Variants in MPRIP observed in about 807,000 individuals in gnomAD.
The protein encoded by MPRIP is myosin phosphatase Rho-interacting protein.
MPRIP carries 59 observed loss-of-function variants against 234.9 expected under a neutral mutation model. The ratio of observed to expected loss-of-function variants is 0.25; its 90% CI spans 0.20 to 0.31. The LOEUF is 0.31. Among genes scored for constraint, MPRIP ranks in the 10% least tolerant of loss-of-function variants. The pLI is 1.00. For synonymous variants in MPRIP, 1,144 were observed against 1,263.9 expected, an observed-to-expected ratio of 0.91 and a Z score of 2.01; for missense variants, 2,436 against 3,071.0, an observed-to-expected ratio of 0.79 and a Z score of 4.89.
chr17:17,146,028 T>C lies in MPRIP; in HGVS notation c.1504-8T>C. On this transcript the variant is annotated splice_region_variant and splice_polypyrimidine_tract_variant and intron_variant, in intron 9 of 23. Transcript: ENST00000651222. ...CCTCTGAGCTGTTCTTTTTTCTCCC[T>C]TTCTCAGCCCGACCTGCTGAATTTC... 2 of 1,613,780 alleles carry C rather than the reference T, an allele frequency of 1.2e-6. No individual in the cohort carries two copies.
chr17:17,070,807 AT>A (rs2089174766), intron 1 of MPRIP, among the ~76,000 whole-genome samples: 1 of 152,264 alleles, frequency 6.6e-6, no homozygotes, highest in African/African-American at 2.4e-5. Context: ...TATGATGATG[AT>A]TTTTGGTGGA....
intron 15 of MPRIP, among the ~76,000 whole-genome samples, chr17:17,163,268 G>A (rs2045910819): frequency 2.6e-5 from 4 of 152,294 alleles, no homozygotes; most frequent in South Asian, 2.1e-4. Context: ...CCAGCAGACC[G>A]AGAGGGAGCC....
intron 12 of MPRIP, 137 bp from the exon 13 acceptor site, chr17:17,154,169 G>A (rs1352105419): frequency 4.5e-6 from 3 of 674,110 alleles, no homozygotes; most frequent in African/African-American, 3.6e-5. Context: ...GGCACATGTG[G>A]CACTCCTAGA....
At chr17:17,112,037 A>T (rs1293141255) in intron 3 of MPRIP, among the ~76,000 whole-genome samples, 3 of 152,050 alleles carry the variant, frequency 2.0e-5, no homozygotes, top group South Asian at 2.1e-4. Flanking sequence ...GGTAAATATT[A>T]ATATTTACGA....
intron 3 of MPRIP, among the ~76,000 whole-genome samples, chr17:17,105,743 G>A (rs2090051094): frequency 2.0e-5 from 3 of 152,252 alleles, no homozygotes; most frequent in Admixed American, 2.0e-4. Flanking sequence ...AAGGGGGTCT[G>A]ATTTGGGCCC....
intron 1 of MPRIP, among the ~76,000 whole-genome samples, chr17:17,058,473 G>C (rs577848716): frequency 1.3e-5 from 2 of 149,238 alleles, no homozygotes; most frequent in Admixed American, 1.3e-4. Flanking sequence ...TGGAGCTCCA[G>C]GGCCGTGGGG....
chr17:17,149,269 G>GATCACCTGAGGTCAGGAGT (rs1265052540), intron 11 of MPRIP, among the ~76,000 whole-genome samples: 3 of 152,190 alleles, frequency 2.0e-5, no homozygotes, highest in Non-Finnish European at 4.4e-5. Context: ...AAGGCAGGCG[G>GATCACCTGAGGTCAGGAGT]ATCACCTGAG....
chr17:17,141,447 AAG>A (rs2144499922), intron 7 of MPRIP: 1 of 152,282 alleles, frequency 6.6e-6, no homozygotes, highest in East Asian at 1.9e-4. Flanking sequence ...TTTCCTGAGG[AAG>A]ACACTTTGTG....
At position 17,166,642 on chromosome 17, in the gene MPRIP, A is replaced by C. The variant is rs2046003759; in HGVS notation, c.5051A>C (p.His1684Pro). The C allele has an allele frequency of 3.5e-5, 45 of 1,304,092 alleles. No individual in the cohort carries two copies. The highest frequency in any genetic ancestry group is 4.3e-5 in the Non-Finnish European group (43 of 988,932). 80.8% of individuals were successfully genotyped at this position (1,304,092 alleles called of 1,614,324 possible). Reference protein sequence around the residue: ...FATQSVRESFHRRLQSIQETL... With the variant: ...FATQSVRESFPRRLQSIQETL... ...ACACAGTCAGTGAGGGAGTCGTTCC[A>C]CCGCAGGCTACAGAGCATCCAGGAG... The change falls in exon 16 of 24, where the codon CAC becomes CCC. Residue 1684 changes from histidine (H) to proline (P), a missense_variant. By Grantham distance (77) the His-to-Pro change is moderately conservative (BLOSUM62 -2). Around this residue, in one of 4 missense-constraint regions of MPRIP, gnomAD observed 1,998 missense variants for 2,520.3 expected, o/e 0.79. Transcript: ENST00000651222. The surrounding 1 kb of genome is among the most constrained non-coding windows in gnomAD (Gnocchi z 4.4).
intron 1 of MPRIP, among the ~76,000 whole-genome samples, chr17:17,048,952 C>T (rs939783521): frequency 1.3e-5 from 2 of 152,186 alleles, no homozygotes; most frequent in African/African-American, 4.8e-5. Flanking sequence ...TCCACTAATG[C>T]GTAGATAAGC....
chr17:17,057,070 G>C (rs1597724732), intron 1 of MPRIP, among the ~76,000 whole-genome samples: 3 of 152,240 alleles, frequency 2.0e-5, no homozygotes. Context: ...CCTTTCAGCG[G>C]ACCCCAGGAG....
chr17:17,136,453 G>A lies in MPRIP; in HGVS notation c.736+3G>A, dbSNP rs768860853. 3 of 1,607,224 alleles carry A rather than the reference G, an allele frequency of 1.9e-6. No homozygotes were observed. In the East Asian group the frequency reaches 6.7e-5, roughly 36 times the overall value. On this transcript the variant is annotated splice_donor_region_variant and intron_variant, in intron 6 of 23. Coordinates refer to ENST00000651222, the MANE Select transcript of MPRIP (RefSeq NM_001364716.4). Reference sequence around the variant, plus strand: ...ACCTGGGCTAGAGAGCAAAGAAGGTGAGCGGAGGCCAGGCTGGCTTGTATG... The same window carrying A: ...ACCTGGGCTAGAGAGCAAAGAAGGTAAGCGGAGGCCAGGCTGGCTTGTATG...
rs1216945302 is a variant in MPRIP, at chr17:17,177,368, C to T, written c.7076C>T (p.Ala2359Val). 2.5e-6 allele frequency: 4 copies of T among 1,613,874 alleles called. No homozygotes were observed. Among genetic ancestry groups the T allele is most frequent in the East Asian group, 2.2e-5 (1 of 44,884 alleles). ...LKEQLKAATE[A>V]LGEKSPDSAT... ...GAGCAGCTCAAGGCTGCAACGGAAGCACTGGGGGAGAAGTCCCCTGACAGT... is the reference window on the plus strand; with the variant it reads ...GAGCAGCTCAAGGCTGCAACGGAAGTACTGGGGGAGAAGTCCCCTGACAGT... The change falls in exon 22 of 24, where the codon GCA (alanine) becomes GTA (valine). Residue 2359 changes from alanine (A) to valine (V), a missense_variant. Physicochemically the swap from Ala to Val is moderately conservative, Grantham distance 64. Coordinates refer to ENST00000651222, the MANE Select transcript of MPRIP (RefSeq NM_001364716.4).
rs1004459824 is a variant in MPRIP, at chr17:17,180,122, GC to G, written c.7206+35del. ...GGGGTCCAGCCCCCTGGTGGGAGGGGCTTGAGGGACACTGGGGAGAGTAGCC... is the reference window on the plus strand; with the variant it reads ...GGGGTCCAGCCCCCTGGTGGGAGGGGTTGAGGGACACTGGGGAGAGTAGCC... On this transcript the variant is annotated intron_variant, in intron 23 of 23. Coordinates refer to ENST00000651222, the MANE Select transcript of MPRIP (RefSeq NM_001364716.4). 3.3e-6 allele frequency: 5 copies of G among 1,510,470 alleles called. No individual in the cohort carries two copies. In the African/African-American group the frequency reaches 7.1e-5, roughly 21 times the overall value. The allele number at this position is 1,510,470 out of a possible 1,614,324, so 93.6% of individuals were successfully genotyped here. A position where few individuals can be genotyped will look rare whatever the true frequency, so the allele number is the denominator to read the frequency against.
chr17:17,172,367 C>T (rs1283418241), intron 17 of MPRIP, among the ~76,000 whole-genome samples: 3 of 152,256 alleles, frequency 2.0e-5, no homozygotes, highest in Non-Finnish European at 4.4e-5. Context: ...GAAGAAAATA[C>T]ACCAGCACAA....
intron 1 of MPRIP, among the ~76,000 whole-genome samples, chr17:17,066,616 T>G (rs1567692027): frequency 6.6e-6 from 1 of 150,570 alleles, no homozygotes; most frequent in Non-Finnish European, 1.5e-5. Context: ...AGTGGATTCC[T>G]CAAACCACGG....
At chr17:17,103,785 C>G (rs965044852) in intron 3 of MPRIP, among the ~76,000 whole-genome samples, 7 of 152,326 alleles carry the variant, frequency 4.6e-5, no homozygotes, top group Admixed American at 3.9e-4. Flanking sequence ...AAATGCTGTC[C>G]TACATCCTGC....
At chr17:17,180,767 A>C in intron 23 of MPRIP, 1 of 1,253,882 alleles carries the variant, frequency 8.0e-7, no homozygotes. Context: ...TGCTCCAACA[A>C]ACACATACCA....
At chr17:17,134,798 G>A (rs889895742) in intron 5 of MPRIP, among the ~76,000 whole-genome samples, 4 of 152,218 alleles carry the variant, frequency 2.6e-5, no homozygotes, top group Admixed American at 1.3e-4. Context: ...TTCTGTCAGC[G>A]CCTGCGGCCT....
Sources: gnomAD v4.1 joint callset for allele counts (sites outside exome capture counted in the v4.1 genomes callset) on GRCh38, gnomAD v4.1.1 for gene constraint, gnomAD v4.1.1 regional missense constraint, Gnocchi (gnomAD v3.1) non-coding constraint, MANE v1.5 for transcripts, NCBI Gene and HGNC (gene_info 2026-07-23, HGNC 2026-07-21) for gene names.